Variants in CEP85L observed in about 807,000 individuals in gnomAD.
The protein encoded by CEP85L is centrosomal protein of 85 kDa-like.
CEP85L carries 60 observed loss-of-function variants against 100.3 expected under a neutral mutation model. The observed-to-expected ratio is 0.60, with a 90% CI of 0.49 to 0.74. The LOEUF is 0.74. Ranked by LOEUF, CEP85L falls within the 30% of genes least tolerant of loss-of-function variation. The pLI is 0.00. For missense variants in CEP85L, 973 were observed against 936.2 expected (o/e 1.04, Z -0.51); for synonymous variants, 319 against 322.7 (o/e 0.99, Z 0.12).
chr6:118,581,143 T>C (rs907382138), intron 2 of CEP85L, among the ~76,000 whole-genome samples: 1 of 152,162 alleles, frequency 6.6e-6, no homozygotes, highest in Non-Finnish European at 1.5e-5. Context: ...TTTCAACAGT[T>C]AGAAATTAAA....
At chr6:118,501,932 A>C in intron 5 of CEP85L, 1 of 1,013,972 alleles carries the variant, frequency 9.9e-7, no homozygotes, top group Non-Finnish European at 1.5e-6. Flanking sequence ...AGTAATTTAG[A>C]GAGACAGTAG....
intron 4 of CEP85L, among the ~76,000 whole-genome samples, chr6:118,521,969 G>T (rs932123923): frequency 2.0e-5 from 3 of 151,808 alleles, no homozygotes; most frequent in African/African-American, 7.3e-5. Flanking sequence ...ATATCCAATG[G>T]AATGGTATTC....
intron 2 of CEP85L, among the ~76,000 whole-genome samples, chr6:118,620,712 C>T (rs953026370): frequency 8.5e-5 from 13 of 152,140 alleles, no homozygotes; most frequent in African/African-American, 3.1e-4. Context: ...CGATTTCCTC[C>T]TGGACACCAG....
At chr6:118,556,941 T>C (rs771087894) in intron 3 of CEP85L, among the ~76,000 whole-genome samples, 8 of 152,170 alleles carry the variant, frequency 5.3e-5, no homozygotes, top group Non-Finnish European at 1.2e-4. Flanking sequence ...ATCATCAAAG[T>C]ATAGGCCCCA....
At chr6:118,519,514 C>CGGG (rs1436748598) in intron 4 of CEP85L, among the ~76,000 whole-genome samples, 1 of 25,058 alleles carries the variant, frequency 4.0e-5, no homozygotes, top group African/African-American at 1.6e-4. Context: ...GTGTGTGTGG[C>CGGG]GGGGGGGTTG....
chr6:118,649,905 CAT>C (rs1188297176), intron 1 of CEP85L, among the ~76,000 whole-genome samples: 3 of 152,138 alleles, frequency 2.0e-5, no homozygotes, highest in East Asian at 1.9e-4. Flanking sequence ...TTAAAATGTA[CAT>C]ATGTCTTTTT....
upstream of CEP85L, chr6:118,651,829 G>C (rs1775591902): frequency 1.0e-6 from 1 of 985,536 alleles, no homozygotes; most frequent in Non-Finnish European, 1.2e-6. Context: ...TTGAGTAGAG[G>C]GCAGCGACTT....
chr6:118,553,722 T>C (rs1778684624), intron 3 of CEP85L, among the ~76,000 whole-genome samples: 1 of 152,220 alleles, frequency 6.6e-6, no homozygotes, highest in Non-Finnish European at 1.5e-5. Flanking sequence ...GATTATAAGA[T>C]CATCTTTAAA....
At chr6:118,693,348 T>C (rs1777106426) in intron 1 of CEP85L, among the ~76,000 whole-genome samples, 1 of 152,218 alleles carries the variant, frequency 6.6e-6, no homozygotes, top group Non-Finnish European at 1.5e-5. Context: ...CCTCCTTAAT[T>C]TTTTATACCA....
chr6:118,518,932 C>A (rs989119085), intron 4 of CEP85L, among the ~76,000 whole-genome samples: 1 of 152,148 alleles, frequency 6.6e-6, no homozygotes, highest in Non-Finnish European at 1.5e-5. Context: ...TACATTGTGT[C>A]TTTGTTCTCA....
At chr6:118,543,994 T>C (rs1162162331) in intron 3 of CEP85L, among the ~76,000 whole-genome samples, 2 of 152,158 alleles carry the variant, frequency 1.3e-5, no homozygotes, top group Non-Finnish European at 1.5e-5. Context: ...GGTTTCTAAG[T>C]GAATGGGGAG....
intron 2 of CEP85L, among the ~76,000 whole-genome samples, chr6:118,594,442 T>C (rs1042461594): frequency 6.6e-6 from 1 of 152,150 alleles, no homozygotes; most frequent in Non-Finnish European, 1.5e-5. Flanking sequence ...GTTAATTAGA[T>C]AAGAAAATTA....
intron 2 of CEP85L, among the ~76,000 whole-genome samples, chr6:118,625,666 AT>A (rs1424973384): frequency 6.6e-6 from 1 of 152,146 alleles, no homozygotes; most frequent in Non-Finnish European, 1.5e-5. Context: ...CCAGTCAGGA[AT>A]TATTGCCGAA....
At chr6:118,494,545 G>T (rs1045950674) in intron 5 of CEP85L, among the ~76,000 whole-genome samples, 2 of 152,092 alleles carry the variant, frequency 1.3e-5, no homozygotes, top group African/African-American at 4.8e-5. Context: ...CTTCCCTGTG[G>T]AAATACCAAC....
At chr6:118,520,602 T>C (rs982297442) in intron 4 of CEP85L, among the ~76,000 whole-genome samples, 13 of 152,222 alleles carry the variant, frequency 8.5e-5, no homozygotes, top group African/African-American at 3.1e-4. Context: ...TTGTTTATTA[T>C]AGTTACCCTA....
intron 6 of CEP85L, among the ~76,000 whole-genome samples, chr6:118,491,170 T>C (rs950196431): frequency 1.0e-4 from 15 of 146,600 alleles, no homozygotes; most frequent in African/African-American, 3.8e-4. Context: ...GTAAAATCAT[T>C]CCCTTCTATT....
intron 2 of CEP85L, among the ~76,000 whole-genome samples, chr6:118,630,303 C>T (rs1345675511): frequency 6.6e-6 from 1 of 152,106 alleles, no homozygotes; most frequent in African/African-American, 2.4e-5. Flanking sequence ...CTTACTGGAC[C>T]CCACTCTGCC....
At chr6:118,596,387 A>C (rs1781458657) in intron 2 of CEP85L, among the ~76,000 whole-genome samples, 1 of 152,170 alleles carries the variant, frequency 6.6e-6, no homozygotes, top group Admixed American at 6.5e-5. Flanking sequence ...ATAAGCCATG[A>C]GGCAAACCCA....
chr6:118,499,324 T>C (rs1054472214), intron 5 of CEP85L, among the ~76,000 whole-genome samples: 16 of 152,212 alleles, frequency 1.1e-4, no homozygotes, highest in African/African-American at 3.6e-4. Flanking sequence ...ATCATGATTA[T>C]GTCAAATCCA....
Sources: allele counts gnomAD v4.1 joint callset (sites outside exome capture counted in the v4.1 genomes callset), GRCh38; gene constraint gnomAD v4.1.1; transcripts MANE v1.5; gene names NCBI Gene and HGNC (gene_info 2026-07-23, HGNC 2026-07-21).